WIPF1: variants seen among roughly 807,000 people sequenced by gnomAD.
WIPF1 encodes the protein WAS/WASL-interacting protein family member 1.
A neutral mutation model predicts 35.4 loss-of-function variants in WIPF1; 13 were observed. The ratio of observed to expected loss-of-function variants is 0.37; its 90% CI spans 0.24 to 0.58. The LOEUF is 0.58. Ranked by LOEUF, WIPF1 falls within the 20% of genes least tolerant of loss-of-function variation. The probability of loss-of-function intolerance (pLI) is 0.74; values close to 1 mark genes in which losing one functional copy is unlikely to be tolerated. For missense variants in WIPF1, 591 were observed against 667.0 expected (o/e 0.89, Z 1.25); for synonymous variants, 267 against 266.3 (o/e 1.00, Z -0.02).
intron 1 of WIPF1, among the ~76,000 whole-genome samples, chr2:174,595,389 C>A (rs1685789685): frequency 6.7e-6 from 1 of 149,978 alleles, no homozygotes; most frequent in Admixed American, 6.6e-5. Context: ...AAAGCTCTTA[C>A]AATTCAGATA....
At position 174,670,206 on chromosome 2, in the gene WIPF1, G is replaced by A. The variant is rs145158123; in HGVS notation, c.-39+12568C>T. 4.6e-5 allele frequency among the ~76,000 whole-genome samples: 7 copies of A among 152,184 alleles called. No individual in the cohort carries two copies. The East Asian group carries it at 1.4e-3, about 30-fold the overall frequency. On this transcript the variant is annotated intron_variant, in intron 1 of 8. Coordinates refer to the WIPF1 transcript ENST00000272746. ...CTCCCTGCCCCCCCATCCCACTGAT[G>A]GGGGTCTCTCCCTGCAGCTCAGAAC...
intron 1 of WIPF1, among the ~76,000 whole-genome samples, chr2:174,681,008 G>T (rs1453545598): frequency 6.6e-6 from 1 of 152,178 alleles, no homozygotes; most frequent in Non-Finnish European, 1.5e-5. Context: ...TTTTTAAAAT[G>T]AACAAATAGA....
chr2:174,599,639 C>T (rs185794497), upstream of WIPF1, among the ~76,000 whole-genome samples: 33 of 152,304 alleles, frequency 2.2e-4, no homozygotes, highest in Non-Finnish European at 3.1e-4. Context: ...AAAACTTGAT[C>T]AACTATTAAG....
At position 174,562,187 on chromosome 2, in the gene WIPF1, T is replaced by C; in HGVS notation, c.*360A>G. On this transcript the variant is annotated 3_prime_UTR_variant, in exon 8 of 8. Transcript: ENST00000679041. ...CGAAAAAGGAACGGGAGAAAACAGC[T>C]CTCAGGGACTTTAATAATTACAGTC... is the stretch of plus-strand genomic sequence containing the variant. 1 of 1,550,380 alleles carries C rather than the reference T, an allele frequency of 6.5e-7. No individual in the cohort carries two copies. Among genetic ancestry groups the C allele is most frequent in the Non-Finnish European group, 8.7e-7 (1 of 1,146,952 alleles).
Position 174,585,533 on chromosome 2 carries a change from G to C in WIPF1, c.41C>G (p.Thr14Arg). 6.2e-7 allele frequency: 1 copy of C among 1,607,338 alleles called. No homozygotes were observed. Among genetic ancestry groups the C allele is most frequent in the Non-Finnish European group, 8.5e-7 (1 of 1,177,618 alleles). ...GGAGGAGACACTCACCAGTGCAAACGTCGGGGGCGGCGGGGGTGCTGGAGG... is the reference window on the plus strand; with the variant it reads ...GGAGGAGACACTCACCAGTGCAAACCTCGGGGGCGGCGGGGGTGCTGGAGG... Reference protein sequence around the residue: ...PPPPAPPPPPTFALANTEKPT... With the variant: ...PPPPAPPPPPRFALANTEKPT... Residue 14 changes from threonine to arginine, a missense_variant, in exon 2 of 8, where the codon ACG (threonine) becomes AGG (arginine). Thr to Arg is a moderately conservative substitution (Grantham distance 71). Around this residue, in one of 3 missense-constraint regions of WIPF1, gnomAD observed 471 missense variants for 501.1 expected, o/e 0.94. Transcript: ENST00000679041.
At chr2:174,609,419 T>G (rs1161920569) in intron 1 of WIPF1, among the ~76,000 whole-genome samples, 2 of 152,196 alleles carry the variant, frequency 1.3e-5, no homozygotes, top group African/African-American at 4.8e-5. Context: ...TGGAAAATCA[T>G]GAGCCCAAGG....
Position 174,572,160 on chromosome 2 carries a change from G to A in WIPF1, c.645C>T (p.Pro215=), listed in dbSNP as rs141354164. The A allele has an allele frequency of 7.7e-5, 125 of 1,613,748 alleles. 1 individual carries two copies. In the African/African-American group the frequency reaches 1.3e-3, roughly 17 times the overall value. Residue 215 remains proline, a synonymous_variant, in exon 5 of 8, where the codon CCC becomes CCT. Coordinates refer to ENST00000679041, the MANE Select transcript of WIPF1 (RefSeq NM_001375834.1). ...PVPGGPRQPS[P]GPTPPPFPGN... ...CAGGGAAAGGGGGAGGAGTGGGCCC[G>A]GGGCTGGGCTGCCTGGGGCCTCCGG...
At chr2:174,608,962 C>T (rs1178388244) in intron 1 of WIPF1, among the ~76,000 whole-genome samples, 1 of 152,206 alleles carries the variant, frequency 6.6e-6, no homozygotes, top group Non-Finnish European at 1.5e-5. Context: ...GGGCCTGACA[C>T]CACCCATCTG....
chr2:174,656,461 GAACT>G (rs1305096334), intron 1 of WIPF1, among the ~76,000 whole-genome samples: 10 of 152,260 alleles, frequency 6.6e-5, no homozygotes, highest in African/African-American at 2.4e-4. Flanking sequence ...AATAGCAACA[GAACT>G]AACAGGAAAT....
chr2:174,642,341 A>G (rs369414569), intron 1 of WIPF1, among the ~76,000 whole-genome samples: 1 of 100,124 alleles, frequency 1.0e-5, no homozygotes, highest in Non-Finnish European at 2.0e-5. Flanking sequence ...TCCTTCCTCC[A>G]CCTTTTTTTT....
At chr2:174,644,434 C>G (rs1386809744) in intron 1 of WIPF1, among the ~76,000 whole-genome samples, 1 of 125,596 alleles carries the variant, frequency 8.0e-6, no homozygotes. Context: ...TTCACTCCCC[C>G]ACCCCCCTCC....
At chr2:174,567,435 G>T (rs777946436) in intron 6 of WIPF1, among the ~76,000 whole-genome samples, 3 of 152,386 alleles carry the variant, frequency 2.0e-5, no homozygotes, top group Admixed American at 6.5e-5. Context: ...CCTCTTAGGA[G>T]CTGGGGGCTA....
intron 1 of WIPF1, among the ~76,000 whole-genome samples, chr2:174,619,944 GAA>G (rs796610534): frequency 1.3e-4 from 15 of 114,892 alleles, no homozygotes; most frequent in Admixed American, 4.4e-4. Flanking sequence ...TCTGTCTCAA[GAA>G]AAAAAAAAAA....
chr2:174,659,457 C>T lies in WIPF1; in HGVS notation c.-39+23317G>A, dbSNP rs558719081. Among the ~76,000 whole-genome samples, 25 of 152,310 alleles carry T rather than the reference C, an allele frequency of 1.6e-4. No individual in the cohort carries two copies. In the South Asian group the frequency reaches 4.6e-3, roughly 28 times the overall value. On this transcript the variant is annotated intron_variant, in intron 1 of 8. Transcript: ENST00000272746. ...ATCCTGCTGGGACTCTAAAAATCTA[C>T]CTCTAGGGTTTAGCGAGTAATGGTA...
At chr2:174,608,213 GAA>G (rs1224232734) in intron 1 of WIPF1, among the ~76,000 whole-genome samples, 1 of 151,742 alleles carries the variant, frequency 6.6e-6, no homozygotes, top group Non-Finnish European at 1.5e-5. Flanking sequence ...AAACTAGGGT[GAA>G]AAAAAAGAGG....
At chr2:174,675,053 G>A (rs1688099411) in intron 1 of WIPF1, among the ~76,000 whole-genome samples, 2 of 152,076 alleles carry the variant, frequency 1.3e-5, no homozygotes, top group African/African-American at 4.8e-5. Flanking sequence ...TTTTTATTCT[G>A]GAGAGAATGT....
chr2:174,617,769 A>G (rs941566319), intron 1 of WIPF1, among the ~76,000 whole-genome samples: 9 of 152,246 alleles, frequency 5.9e-5, no homozygotes, highest in African/African-American at 2.2e-4. Context: ...GGAGGCCCTC[A>G]GCATCTCTCT....
chr2:174,659,676 T>G, intron 1 of WIPF1, among the ~76,000 whole-genome samples: 1 of 152,180 alleles, frequency 6.6e-6, no homozygotes. Flanking sequence ...AGGAGATGAC[T>G]CATCCAGGAT....
At chr2:174,647,163 G>T (rs1313240066) in intron 1 of WIPF1, among the ~76,000 whole-genome samples, 1 of 152,038 alleles carries the variant, frequency 6.6e-6, no homozygotes, top group East Asian at 1.9e-4. Context: ...CTTTAAACCA[G>T]GAGTTCAAGA....
Sources: gnomAD v4.1 joint callset for allele counts (sites outside exome capture counted in the v4.1 genomes callset) on GRCh38, gnomAD v4.1.1 for gene constraint, gnomAD v4.1.1 regional missense constraint, MANE v1.5 for transcripts, NCBI Gene and HGNC (gene_info 2026-07-23, HGNC 2026-07-21) for gene names.